The following SCN9A variants were observed in gnomAD, a reference collection of about 807,000 sequenced individuals.
The protein encoded by SCN9A is sodium channel protein type 9 subunit alpha.
A neutral mutation model predicts 187.0 loss-of-function variants in SCN9A; 131 were observed. The ratio of observed to expected loss-of-function variants is 0.70; its 90% CI spans 0.61 to 0.81. The LOEUF (loss-of-function observed/expected upper bound fraction) is 0.81. Among genes scored for constraint, SCN9A ranks in the 30% least tolerant of loss-of-function variants. SCN9A has a pLI of 0.00. For missense variants in SCN9A, 2,252 were observed against 2,396.6 expected (o/e 0.94, Z 1.26); for synonymous variants, 809 against 808.6 (o/e 1.00, Z -0.01).
intron 16 of SCN9A, among the ~76,000 whole-genome samples, chr2:166,275,545 T>C (rs1697195889): frequency 6.6e-6 from 1 of 151,102 alleles, no homozygotes; most frequent in South Asian, 2.1e-4. Context: ...GATCACATCA[T>C]TGCACTCCAG....
At chr2:166,360,993 C>T (rs1026515014) in intron 1 of SCN9A, among the ~76,000 whole-genome samples, 2 of 152,082 alleles carry the variant, frequency 1.3e-5, no homozygotes, top group East Asian at 3.9e-4. Flanking sequence ...ATTCATGGCT[C>T]CAGAGTGAGA....
intron 8 of SCN9A, among the ~76,000 whole-genome samples, chr2:166,293,965 C>T (rs1004944778): frequency 6.6e-6 from 1 of 152,136 alleles, no homozygotes; most frequent in African/African-American, 2.4e-5. Context: ...GAACAGCAAC[C>T]TTATCCAGTT....
At position 166,364,797 on chromosome 2, in the gene SCN9A, G is replaced by A. The variant is rs572382379; in HGVS notation, c.-51+10900C>T. ...TGAATGTGCTTAATACCTCTAAACT[G>A]TACATTTGAAATGGTTAAAATGGTA... is the stretch of plus-strand genomic sequence containing the variant. On this transcript the variant is annotated intron_variant, in intron 1 of 26. Transcript: ENST00000642356. Among the ~76,000 whole-genome samples, 63 of 152,164 alleles carry A rather than the reference G, an allele frequency of 4.1e-4. 1 individual carries two copies. The highest frequency in any genetic ancestry group is 1.5e-3 in the African/African-American group (62 of 41,504).
intron 11 of SCN9A, among the ~76,000 whole-genome samples, chr2:166,285,960 G>T (rs1047270281): frequency 1.3e-5 from 2 of 152,106 alleles, no homozygotes; most frequent in Admixed American, 6.6e-5. Context: ...AGAAAGAAGA[G>T]AAACTAGTCT....
intron 24 of SCN9A, among the ~76,000 whole-genome samples, chr2:166,223,845 C>T (rs1694731643): frequency 1.3e-5 from 2 of 152,118 alleles, no homozygotes; most frequent in African/African-American, 4.8e-5. Context: ...CGTACTTCTA[C>T]ATAGCATGTG....
chr2:166,305,590 C>T (rs1212993175), intron 5 of SCN9A, among the ~76,000 whole-genome samples: 3 of 152,072 alleles, frequency 2.0e-5, no homozygotes, highest in Non-Finnish European at 2.9e-5. Flanking sequence ...AATGATGTCA[C>T]ATACCTCTGA....
At chr2:166,290,340 C>T (rs1697988456) in intron 9 of SCN9A, among the ~76,000 whole-genome samples, 1 of 152,008 alleles carries the variant, frequency 6.6e-6, no homozygotes, top group African/African-American at 2.4e-5. Flanking sequence ...GAGTTGATTC[C>T]ATCTCTTTGC....
chr2:166,357,877 C>G (rs769807240), intron 1 of SCN9A, among the ~76,000 whole-genome samples: 2 of 152,068 alleles, frequency 1.3e-5, no homozygotes, highest in East Asian at 1.9e-4. Context: ...TTGAAACTAC[C>G]AAGGAGGTTA....
At chr2:166,302,181 A>C (rs1193795794) in intron 7 of SCN9A, 1 of 145,694 alleles carries the variant, frequency 6.9e-6, no homozygotes, top group South Asian at 2.1e-4. Context: ...TTATCTATTA[A>C]GATTTATGTA....
chr2:166,271,804 G>A (rs1697000328), intron 17 of SCN9A, among the ~76,000 whole-genome samples: 1 of 151,880 alleles, frequency 6.6e-6, no homozygotes, highest in South Asian at 2.1e-4. Flanking sequence ...GTTGCAGTAA[G>A]CTATGATAGC....
chr2:166,244,418 CT>C (rs1030504174), intron 18 of SCN9A, among the ~76,000 whole-genome samples: 6 of 152,016 alleles, frequency 3.9e-5, no homozygotes, highest in Admixed American at 2.0e-4. Flanking sequence ...TCCTGCTTGT[CT>C]GTTGTTAAAA....
At chr2:166,313,650 A>G (rs1328631113) in intron 1 of SCN9A, among the ~76,000 whole-genome samples, 1 of 152,076 alleles carries the variant, frequency 6.6e-6, no homozygotes, top group Non-Finnish European at 1.5e-5. Context: ...GATCACTAAA[A>G]CTTTCTCTAT....
chr2:166,311,153 C>G (rs1344554187), intron 2 of SCN9A, among the ~76,000 whole-genome samples: 5 of 114,856 alleles, frequency 4.4e-5, no homozygotes, highest in Admixed American at 4.1e-4. Flanking sequence ...TGCTAGATGA[C>G]CAGTTAGTGG....
chr2:166,252,656 G>A (rs1381467556), intron 17 of SCN9A, among the ~76,000 whole-genome samples: 1 of 151,850 alleles, frequency 6.6e-6, no homozygotes, highest in Middle Eastern at 3.4e-3. Context: ...AATTAAACAT[G>A]GCAGACTTAC....
At chr2:166,236,075 G>T (rs1315020262) in intron 20 of SCN9A, among the ~76,000 whole-genome samples, 2 of 151,794 alleles carry the variant, frequency 1.3e-5, no homozygotes, top group African/African-American at 2.4e-5. Context: ...TTAAGAGAGA[G>T]ACCCCGTCAT....
intron 1 of SCN9A, among the ~76,000 whole-genome samples, chr2:166,341,197 A>G (rs1170541394): frequency 6.6e-6 from 1 of 152,216 alleles, no homozygotes; most frequent in African/African-American, 2.4e-5. Context: ...GCAAATGGAA[A>G]TTTCACATTC....
At chr2:166,327,108 G>A (rs916901548) in intron 1 of SCN9A, among the ~76,000 whole-genome samples, 1 of 152,116 alleles carries the variant, frequency 6.6e-6, no homozygotes, top group East Asian at 1.9e-4. Context: ...ACCACAGAAG[G>A]AGGCAGCTGT....
intron 1 of SCN9A, among the ~76,000 whole-genome samples, chr2:166,318,574 T>TA (rs200449501): frequency 0.018 from 2,571 of 146,232 alleles, 72 homozygotes; most frequent in African/African-American, 0.06. Context: ...TATCTTTTAT[T>TA]AAAAAAAAAA....
chr2:166,202,992 T>C (rs1693616865), intron 26 of SCN9A, among the ~76,000 whole-genome samples: 1 of 151,636 alleles, frequency 6.6e-6, no homozygotes, highest in African/African-American at 2.4e-5. Context: ...AAAACAGGGA[T>C]GATACAGGCA....
Sources: allele counts gnomAD v4.1 joint callset (sites outside exome capture counted in the v4.1 genomes callset), GRCh38; gene constraint gnomAD v4.1.1; transcripts MANE v1.5; gene names NCBI Gene and HGNC (gene_info 2026-07-23, HGNC 2026-07-21).